The following CASQ2 variants were observed in gnomAD, a reference collection of about 807,000 sequenced individuals.
CASQ2 encodes calsequestrin-2.
Under a neutral mutation model 46.5 loss-of-function variants are expected in CASQ2, and 49 were observed. That is an observed-to-expected ratio of 1.05 (90% CI 0.84 to 1.34). The LOEUF (loss-of-function observed/expected upper bound fraction) is 1.34. CASQ2 is among the 40% of genes most tolerant of loss of function. The pLI is 0.00. For missense variants in CASQ2, 486 were observed against 481.3 expected (o/e 1.01, Z -0.09); for synonymous variants, 174 against 168.5 (o/e 1.03, Z -0.25).
At chr1:115,721,724 C>T (rs902561833) in intron 7 of CASQ2, among the ~76,000 whole-genome samples, 27 of 152,128 alleles carry the variant, frequency 1.8e-4, no homozygotes, top group Non-Finnish European at 4.4e-5. Context: ...GCACACACCA[C>T]CACACCCAGC....
chr1:115,754,186 G>A (rs897968947), intron 1 of CASQ2, among the ~76,000 whole-genome samples: 2 of 152,190 alleles, frequency 1.3e-5, no homozygotes, highest in African/African-American at 4.8e-5. Context: ...TGGGCAGTTG[G>A]CATGTGATGT....
rs1174673901 is a variant in CASQ2, at chr1:115,721,978, C to T, written c.783+3530G>A. On this transcript the variant is annotated intron_variant, in intron 7 of 10. Coordinates refer to ENST00000261448, the MANE Select transcript of CASQ2 (RefSeq NM_001232.4). ...GGATGGCACTCTTTAGAGCAGTGAC[C>T]TGCTAGGGGGCCCAGGTAGAGGAGG... Among the ~76,000 whole-genome samples, 4 of 152,232 alleles carry T rather than the reference C, an allele frequency of 2.6e-5. No homozygotes were observed. In the East Asian group the frequency reaches 5.8e-4, roughly 22 times the overall value.
intron 10 of CASQ2, among the ~76,000 whole-genome samples, chr1:115,702,225 C>T (rs1470629495): frequency 1.3e-5 from 2 of 152,094 alleles, no homozygotes; most frequent in African/African-American, 4.8e-5. Context: ...CCTGGCTTGG[C>T]CCCCATTCTT....
chr1:115,756,381 A>G (rs1173573172), intron 1 of CASQ2, among the ~76,000 whole-genome samples: 1 of 152,228 alleles, frequency 6.6e-6, no homozygotes. Flanking sequence ...TTCTTTGAAC[A>G]GGCTCAGTTC....
intron 7 of CASQ2, among the ~76,000 whole-genome samples, chr1:115,723,987 C>T (rs1012993939): frequency 6.6e-6 from 1 of 152,210 alleles, no homozygotes. Context: ...TTCAAACATC[C>T]AAGTAAGTTA....
chr1:115,701,622 T>C (rs1208178254), intron 10 of CASQ2, among the ~76,000 whole-genome samples, 196 bp from the exon 11 acceptor site: 4 of 152,064 alleles, frequency 2.6e-5, no homozygotes, highest in Non-Finnish European at 5.9e-5. Flanking sequence ...TAAAAGGAAA[T>C]GTGTATTCCA....
intron 8 of CASQ2, among the ~76,000 whole-genome samples, chr1:115,714,271 C>T (rs969578157): frequency 6.6e-6 from 1 of 152,176 alleles, no homozygotes; most frequent in Non-Finnish European, 1.5e-5. Flanking sequence ...TCATCTTCCT[C>T]ATAGTCATGA....
At position 115,706,299 on chromosome 1, in the gene CASQ2, C is replaced by T. The variant is rs564230684; in HGVS notation, c.839-1007G>A. Among the ~76,000 whole-genome samples, 26 of 152,250 alleles carry T rather than the reference C, an allele frequency of 1.7e-4. 2 individuals are homozygous for T. The South Asian group carries it at 5.2e-3, about 30-fold the overall frequency. ...TCAGGGAATCCCAGAGTATAGAAGA[C>T]CCATGATTTGTTTCAGAATTAAACT... On this transcript the variant is annotated intron_variant, in intron 8 of 10. Coordinates refer to ENST00000261448, the MANE Select transcript of CASQ2 (RefSeq NM_001232.4).
intron 8 of CASQ2, among the ~76,000 whole-genome samples, chr1:115,717,407 C>T (rs1349243038): frequency 6.6e-6 from 1 of 152,176 alleles, no homozygotes; most frequent in Non-Finnish European, 1.5e-5. Context: ...CATCCCCTTA[C>T]CCAGATCAAT....
chr1:115,768,184 A>C, intron 1 of CASQ2, 124 bp downstream of exon 1: 1 of 744,580 alleles, frequency 1.3e-6, no homozygotes. Flanking sequence ...ACGTGAGGCC[A>C]AAATAAAGCA....
In CASQ2 at chr1:115,751,391, C is replaced by T. The variant is rs552400549; in HGVS notation, c.235-6479G>A. ...CATTAAAAAAAAATAGCTCTAGGGC[C>T]GGGCGCGGTGGCTCACGCCTGTAAT... On this transcript the variant is annotated intron_variant, in intron 1 of 10. Coordinates refer to ENST00000261448, the MANE Select transcript of CASQ2 (RefSeq NM_001232.4). Among the ~76,000 whole-genome samples, 97 of 150,724 alleles carry T rather than the reference C, an allele frequency of 6.4e-4. 1 individual carries two copies. The highest frequency in any genetic ancestry group is 1.9e-3 in the African/African-American group (78 of 41,110).
At chr1:115,710,340 C>A (rs1654498148) in intron 8 of CASQ2, among the ~76,000 whole-genome samples, 2 of 152,204 alleles carry the variant, frequency 1.3e-5, no homozygotes, top group South Asian at 2.1e-4. Context: ...CCAAGGAGAG[C>A]AAATGACTTG....
At chr1:115,754,660 G>A (rs1406933552) in intron 1 of CASQ2, among the ~76,000 whole-genome samples, 1 of 152,254 alleles carries the variant, frequency 6.6e-6, no homozygotes, top group Admixed American at 6.5e-5. Context: ...TCCAGAGCCC[G>A]AACTTTCATC....
At chr1:115,719,167 T>C (rs1378274013) in intron 7 of CASQ2, among the ~76,000 whole-genome samples, 3 of 152,202 alleles carry the variant, frequency 2.0e-5, no homozygotes, top group Non-Finnish European at 2.9e-5. Flanking sequence ...ATGGAAAATA[T>C]TATTATTAAA....
At chr1:115,709,176 G>A (rs1366615547) in intron 8 of CASQ2, among the ~76,000 whole-genome samples, 1 of 128,512 alleles carries the variant, frequency 7.8e-6, no homozygotes, top group Non-Finnish European at 1.6e-5. Context: ...TGCTAAAATT[G>A]TAAGTTACAA....
In CASQ2 at chr1:115,726,980, C is replaced by T. The variant is rs1317331799; in HGVS notation, c.737+12G>A. The T allele has an allele frequency of 6.2e-7, 1 of 1,604,774 alleles. No individual in the cohort carries two copies. The highest frequency in any genetic ancestry group is 2.2e-5 in the East Asian group (1 of 44,656). On this transcript the variant is annotated intron_variant, in intron 6 of 10. Transcript: ENST00000261448. ...CCCCAGGCCCCCAGCCCCCACATGC[C>T]ATCTCAGGCACCTTTGGTGTTCCTT...
chr1:115,720,674 G>A (rs556313032), intron 7 of CASQ2, among the ~76,000 whole-genome samples: 60 of 152,284 alleles, frequency 3.9e-4, no homozygotes, highest in African/African-American at 1.4e-3. Flanking sequence ...GGAGATTTGG[G>A]AATAACGTCA....
At chr1:115,703,132 G>C (rs1483238132) in intron 9 of CASQ2, 137 bp from the exon 10 acceptor site, 2 of 713,486 alleles carry the variant, frequency 2.8e-6, no homozygotes, top group East Asian at 5.4e-5. Flanking sequence ...TTAGCAAATT[G>C]AAGACTTGGC....
At chr1:115,706,799 C>T (rs1221284055) in intron 8 of CASQ2, among the ~76,000 whole-genome samples, 3 of 152,174 alleles carry the variant, frequency 2.0e-5, no homozygotes, top group Non-Finnish European at 4.4e-5. Flanking sequence ...CAAACCTCTC[C>T]TCTCTCCAGG....
Sources: gnomAD v4.1 joint callset for allele counts (sites outside exome capture counted in the v4.1 genomes callset) on GRCh38, gnomAD v4.1.1 for gene constraint, MANE v1.5 for transcripts, NCBI Gene and HGNC (gene_info 2026-07-23, HGNC 2026-07-21) for gene names.